SLC24A4: variants seen among roughly 807,000 people sequenced by gnomAD.
SLC24A4 encodes sodium/potassium/calcium exchanger 4.
A neutral mutation model predicts 79.0 loss-of-function variants in SLC24A4; 53 were observed. The ratio of observed to expected loss-of-function variants is 0.67; its 90% CI spans 0.54 to 0.84. SLC24A4 has a LOEUF of 0.84. Ranked by LOEUF, SLC24A4 falls within the 40% of genes least tolerant of loss-of-function variation. SLC24A4 has a pLI of 0.00. For synonymous variants in SLC24A4, 323 were observed against 323.8 expected (o/e 1.00, Z 0.03); for missense variants, 731 against 822.0 (o/e 0.89, Z 1.35).
chr14:92,493,723 A>G lies in SLC24A4; in HGVS notation c.*95A>G. ...CCCCCACCACAGGTCTCTCCTGCAT[A>G]GGCAGCCACTGTCCGTTCTTTCACA... is the stretch of plus-strand genomic sequence containing the variant. On this transcript the variant is annotated 3_prime_UTR_variant, in exon 17 of 17. Coordinates refer to ENST00000532405, the MANE Select transcript of SLC24A4 (RefSeq NM_153646.4). 1 of 1,390,332 alleles carries G rather than the reference A, an allele frequency of 7.2e-7. No homozygotes were observed. Among genetic ancestry groups the G allele is most frequent in the Non-Finnish European group, 9.8e-7 (1 of 1,021,084 alleles). 86.1% of individuals were successfully genotyped at this position (1,390,332 alleles called of 1,614,324 possible).
Position 92,385,496 on chromosome 14 carries a change from T to TAAAA in SLC24A4, c.242-48405_242-48402dup, listed in dbSNP as rs56777130. 2.5e-4 allele frequency among the ~76,000 whole-genome samples: 36 copies of TAAAA among 145,670 alleles called. 1 individual carries two copies. The highest frequency in any genetic ancestry group is 1.0e-3 in the East Asian group (5 of 4,978). ...TGGCGACAGAGCGAGACTCCGTCTTTAAAAAAAAAAAAAATCATGCAATGT... is the reference window on the plus strand; with the variant it reads ...TGGCGACAGAGCGAGACTCCGTCTTTAAAAAAAAAAAAAAAAAATCATGCAATGT... On this transcript the variant is annotated intron_variant, in intron 2 of 16. Transcript: ENST00000532405.
intron 12 of SLC24A4, among the ~76,000 whole-genome samples, chr14:92,458,200 C>G (rs1050022240): frequency 1.3e-5 from 2 of 152,206 alleles, no homozygotes; most frequent in African/African-American, 4.8e-5. Flanking sequence ...TTCCTGGGAG[C>G]TGGCTGGGTT....
At chr14:92,335,885 G>C (rs572030941) in intron 2 of SLC24A4, among the ~76,000 whole-genome samples, 1 of 152,318 alleles carries the variant, frequency 6.6e-6, no homozygotes, top group African/African-American at 2.4e-5. Context: ...GCCTGTCACT[G>C]TCTGAGTGCC....
chr14:92,408,734 G>A (rs1230039153), intron 2 of SLC24A4, among the ~76,000 whole-genome samples: 1 of 152,108 alleles, frequency 6.6e-6, no homozygotes, highest in Non-Finnish European at 1.5e-5. Context: ...CTCTACTGGA[G>A]TTCACCAGTA....
At chr14:92,459,520 C>G (rs146057256) in intron 12 of SLC24A4, among the ~76,000 whole-genome samples, 43 of 152,324 alleles carry the variant, frequency 2.8e-4, no homozygotes, top group African/African-American at 9.1e-4. Flanking sequence ...TTCCCCTGGG[C>G]TCAGTGCATG....
At chr14:92,338,739 T>G (rs1362471559) in intron 2 of SLC24A4, among the ~76,000 whole-genome samples, 1 of 152,184 alleles carries the variant, frequency 6.6e-6, no homozygotes, top group Admixed American at 6.5e-5. Flanking sequence ...TCACCCTACT[T>G]AGGAGGCCTA....
intron 2 of SLC24A4, among the ~76,000 whole-genome samples, chr14:92,344,760 A>G (rs1886429413): frequency 6.6e-6 from 1 of 152,162 alleles, no homozygotes; most frequent in African/African-American, 2.4e-5. Context: ...AACTGCCTGA[A>G]GATGAGTGAG....
intron 6 of SLC24A4, 67 bp downstream of exon 6, chr14:92,442,883 C>CA: frequency 7.5e-7 from 1 of 1,340,464 alleles, no homozygotes; most frequent in South Asian, 1.2e-5. Flanking sequence ...CCTCTAATGA[C>CA]AAGAGGTTGG....
chr14:92,371,307 TA>T (rs1888138435), intron 2 of SLC24A4, among the ~76,000 whole-genome samples: 1 of 151,966 alleles, frequency 6.6e-6, no homozygotes, highest in African/African-American at 2.4e-5. Flanking sequence ...CACAGTAAAA[TA>T]AAGAAACTAA....
chr14:92,382,187 T>G (rs935250247), intron 2 of SLC24A4, among the ~76,000 whole-genome samples: 1 of 152,118 alleles, frequency 6.6e-6, no homozygotes, highest in African/African-American at 2.4e-5. Context: ...TATATACATA[T>G]GTATACATGC....
At position 92,443,490 on chromosome 14, in the gene SLC24A4, GC is replaced by G. The variant is rs1892621911; in HGVS notation, c.657+21del. On this transcript the variant is annotated intron_variant, in intron 7 of 16. Transcript: ENST00000532405. ...GCTCATCGTGGTGAGTTGCCCCTCT[GC>G]CCCCAAGGTCAGGTTGGCTGGGACC... 1.9e-6 allele frequency: 3 copies of G among 1,613,790 alleles called. No individual in the cohort carries two copies. Among genetic ancestry groups the G allele is most frequent in the Admixed American group, 1.7e-5 (1 of 60,002 alleles).
In SLC24A4 at chr14:92,385,841, G is replaced by A. The variant is rs901447905; in HGVS notation, c.242-48071G>A. ...CCTTCCTCCCAGCTCCCCCATCCCA[G>A]ACCTTAATGCTCTTCTTGAATTTGA... On this transcript the variant is annotated intron_variant, in intron 2 of 16. Coordinates refer to ENST00000532405, the MANE Select transcript of SLC24A4 (RefSeq NM_153646.4). 2.0e-5 allele frequency among the ~76,000 whole-genome samples: 3 copies of A among 152,228 alleles called. No individual in the cohort carries two copies. In the South Asian group the frequency reaches 6.2e-4, roughly 32 times the overall value.
At chr14:92,337,049 G>A (rs960020181) in intron 2 of SLC24A4, among the ~76,000 whole-genome samples, 2 of 152,122 alleles carry the variant, frequency 1.3e-5, no homozygotes, top group Non-Finnish European at 2.9e-5. Flanking sequence ...TTATCTAGGA[G>A]CCAGTGCTCA....
intron 8 of SLC24A4, among the ~76,000 whole-genome samples, chr14:92,446,981 T>C (rs1892831049): frequency 6.6e-6 from 1 of 152,212 alleles, no homozygotes; most frequent in Non-Finnish European, 1.5e-5. Flanking sequence ...CTTCTCTGGC[T>C]CCTGCCCAGA....
chr14:92,377,094 G>C (rs1248629827), intron 2 of SLC24A4, among the ~76,000 whole-genome samples: 2 of 152,334 alleles, frequency 1.3e-5, no homozygotes, highest in East Asian at 3.9e-4. Flanking sequence ...TCATGGATGA[G>C]AAAGGTGAGA....
At chr14:92,484,097 G>A (rs1895226125) in intron 13 of SLC24A4, 10 of 985,350 alleles carry the variant, frequency 1.0e-5, no homozygotes, top group Middle Eastern at 5.2e-4. Context: ...GCCATTGGGA[G>A]AATGAAAAGA....
At chr14:92,461,362 AT>A (rs1337030110) in intron 12 of SLC24A4, among the ~76,000 whole-genome samples, 1 of 152,088 alleles carries the variant, frequency 6.6e-6, no homozygotes, top group African/African-American at 2.4e-5. Flanking sequence ...TGTAATTCTT[AT>A]ATTAGTCAGC....
chr14:92,336,055 T>C (rs1312450600), intron 2 of SLC24A4, among the ~76,000 whole-genome samples: 1 of 152,204 alleles, frequency 6.6e-6, no homozygotes, highest in Non-Finnish European at 1.5e-5. Flanking sequence ...TTCTCTTTGC[T>C]GGGCCATCTG....
intron 2 of SLC24A4, among the ~76,000 whole-genome samples, chr14:92,397,295 C>T (rs942859417): frequency 3.3e-5 from 5 of 152,186 alleles, no homozygotes; most frequent in African/African-American, 7.2e-5. Flanking sequence ...CCTTCTGCTC[C>T]GGCTTGGCAT....
Sources: allele counts gnomAD v4.1 joint callset (sites outside exome capture counted in the v4.1 genomes callset), GRCh38; gene constraint gnomAD v4.1.1; transcripts MANE v1.5; gene names NCBI Gene and HGNC (gene_info 2026-07-23, HGNC 2026-07-21).